SPDYE21: variants seen among roughly 807,000 people sequenced by gnomAD.
The protein encoded by SPDYE21 is speedy protein E21.
Under a neutral mutation model 36.2 loss-of-function variants are expected in SPDYE21, and 14 were observed. That is an observed-to-expected ratio of 0.39 (90% CI 0.26 to 0.61). SPDYE21 has a LOEUF of 0.61. Ranked by LOEUF, SPDYE21 falls within the 20% of genes least tolerant of loss-of-function variation. SPDYE21 has a pLI of 0.55. For synonymous variants in SPDYE21, 58 were observed against 155.1 expected (o/e 0.37, Z 4.65); for missense variants, 233 against 424.6 (o/e 0.55, Z 3.97).
chr7:67,285,252 G>A (rs1802708548), intron 6 of SPDYE21, among the ~76,000 whole-genome samples: 1 of 152,158 alleles, frequency 6.6e-6, no homozygotes, highest in South Asian at 2.1e-4. Context: ...GACTTGCCCT[G>A]TCCCCCAAGC....
At chr7:67,281,099 CAAAAAA>C (rs3972832) in intron 3 of SPDYE21, among the ~76,000 whole-genome samples, 13 of 43,726 alleles carry the variant, frequency 3.0e-4, no homozygotes, top group Admixed American at 3.5e-4. Context: ...ACAACAACAA[CAAAAAA>C]AAAAAAAAAA....
rs979401615 is a variant in SPDYE21 at position 67,279,898 on chromosome 7, G to C, written c.241G>C (p.Glu81Gln). The C allele has an allele frequency of 2.6e-5, 41 of 1,588,928 alleles. No individual in the cohort carries two copies. The African/African-American group carries it at 5.3e-4, about 21-fold the overall frequency. Reference sequence around the variant, plus strand: ...GGAGTGGTCAGATGAATCTGAGGAGGAGCCGGAGAAGGAGCTCGCCCCTGA... The same window carrying C: ...GGAGTGGTCAGATGAATCTGAGGAGCAGCCGGAGAAGGAGCTCGCCCCTGA... ...KKEWSDESEEEPEKELAPEPE... is the reference protein window; with the variant it reads ...KKEWSDESEEQPEKELAPEPE... The change falls in exon 3 of 9, where the codon GAG (glutamate) becomes CAG (glutamine). Residue 81 changes from glutamate to glutamine, a missense_variant. Glu to Gln is a conservative substitution (Grantham distance 29). Coordinates refer to ENST00000424157, the MANE Select transcript of SPDYE21 (RefSeq NM_001382715.2).
chr7:67,280,006 G>A lies in SPDYE21; in HGVS notation c.349G>A (p.Glu117Lys), dbSNP rs530677532. Residue 117 changes from glutamate (E) to lysine (K), a missense_variant, in exon 3 of 9, where the codon GAG becomes AAG. Glu to Lys is a moderately conservative substitution (Grantham distance 56, BLOSUM62 1). This residue lies in a region of SPDYE21 where 68 missense variants were observed against 87.6 expected (regional missense o/e 0.78). Coordinates refer to ENST00000424157, the MANE Select transcript of SPDYE21 (RefSeq NM_001382715.2). ...KQQRVSPILP[E>K]HHKDFNSQLA... ...ACAGCGAGTGTCACCCATCCTCCCT[G>A]AGCACCACAAGGACTTCAACAGTCA... 8.8e-6 allele frequency: 14 copies of A among 1,584,826 alleles called. 1 individual carries two copies. In the South Asian group the frequency reaches 1.3e-4, roughly 15 times the overall value.
intron 6 of SPDYE21, among the ~76,000 whole-genome samples, chr7:67,284,912 C>T (rs867164562): frequency 0.11 from 14,424 of 132,808 alleles, 1,040 homozygotes; most frequent in Middle Eastern, 0.15. Context: ...CACACTGGCT[C>T]ACCATCTTGG....
At chr7:67,281,143 G>A (rs1266821237) in intron 3 of SPDYE21, among the ~76,000 whole-genome samples, 3 of 140,576 alleles carry the variant, frequency 2.1e-5, no homozygotes, top group Non-Finnish European at 4.7e-5. Context: ...GAGAGCCAGG[G>A]ACCAGGGAAG....
intron 2 of SPDYE21, 147 bp from the exon 3 acceptor site, chr7:67,279,671 G>A (rs1300438325): frequency 1.2e-5 from 19 of 1,575,044 alleles, no homozygotes; most frequent in Non-Finnish European, 1.5e-5. Context: ...ACATGGGGTT[G>A]AGCAGAGGAG....
chr7:67,286,326 C>A lies in SPDYE21; in HGVS notation c.1038C>A (p.Asn346Lys). The change falls in exon 7 of 9, where the codon AAC becomes AAA. Residue 346 changes from asparagine (N) to lysine (K), a missense_variant. Physicochemically the swap from Asn to Lys is moderately conservative, Grantham distance 94 (BLOSUM62 0). This residue lies in a region of SPDYE21 where 139 missense variants were observed against 175.8 expected (regional missense o/e 0.79). Transcript: ENST00000424157. ...GGTTCCAGTTACGCCGTTGCATGAA[C>A]CCGAGGGCCAGGAAGAACCGCTCTC... Reference protein sequence around the residue: ...KRRFQLRRCMNPRARKNRSQI... With the variant: ...KRRFQLRRCMKPRARKNRSQI... 3 of 1,613,736 alleles carry A rather than the reference C, an allele frequency of 1.9e-6. No individual in the cohort carries two copies. The highest frequency in any genetic ancestry group is 2.5e-6 in the Non-Finnish European group (3 of 1,179,858).
intron 8 of SPDYE21, among the ~76,000 whole-genome samples, 140 bp downstream of exon 8, chr7:67,286,804 G>C (rs1017587201): frequency 1.3e-5 from 2 of 152,172 alleles, no homozygotes; most frequent in African/African-American, 2.4e-5. Flanking sequence ...AATTAGCCAG[G>C]CGATGTGGGA....
intron 3 of SPDYE21, among the ~76,000 whole-genome samples, chr7:67,280,416 C>G (rs758553835): frequency 6.6e-6 from 1 of 151,980 alleles, no homozygotes; most frequent in Non-Finnish European, 1.5e-5. Context: ...AAAAGAAAAA[C>G]GAAGGCTGGG....
chr7:67,285,477 G>A (rs1012005356), intron 6 of SPDYE21, among the ~76,000 whole-genome samples: 1 of 151,344 alleles, frequency 6.6e-6, no homozygotes, highest in African/African-American at 2.4e-5. Context: ...TGCAGCCTCT[G>A]CCTCCTGGGT....
rs1584750404 is a variant in SPDYE21 at position 67,287,559 on chromosome 7, T to A, written c.*87T>A. Among the ~76,000 whole-genome samples, 1 of 151,830 alleles carries A rather than the reference T, an allele frequency of 6.6e-6. No homozygotes were observed. Among genetic ancestry groups the A allele is most frequent in the Admixed American group, 6.6e-5 (1 of 15,238 alleles). ...GAGATGTGGATTTTCAGCAGGAACT[T>A]TATTCCAATGCTAATGGCAGACACC... On this transcript the variant is annotated 3_prime_UTR_variant, in exon 9 of 9. Coordinates refer to ENST00000424157, the MANE Select transcript of SPDYE21 (RefSeq NM_001382715.2).
chr7:67,277,426 T>A (rs3980797), intron 1 of SPDYE21, among the ~76,000 whole-genome samples: 110 of 152,092 alleles, frequency 7.2e-4, no homozygotes, highest in South Asian at 2.7e-3. Context: ...ATCAAAAAAA[T>A]TTTTTTTGAC....
rs1802792408 is a variant in SPDYE21 at position 67,288,995 on chromosome 7, A to G, written c.*1523A>G. Among the ~76,000 whole-genome samples the G allele has an allele frequency of 7.5e-6, 1 of 133,342 alleles. No individual in the cohort carries two copies. The highest frequency in any genetic ancestry group is 2.9e-5 in the African/African-American group (1 of 34,512). 87.5% of individuals were successfully genotyped at this position (133,342 alleles called of 152,430 possible). ...AAAAATGAACTTTTCTCACCTTCAC[A>G]GCAATTGTGATCATATTGGTCTGGA... is the stretch of plus-strand genomic sequence containing the variant. On this transcript the variant is annotated 3_prime_UTR_variant, in exon 9 of 9. Transcript: ENST00000424157.
chr7:67,286,510 G>A (rs1462168887), intron 7 of SPDYE21, among the ~76,000 whole-genome samples, 50 bp from the exon 8 acceptor site: 5 of 151,942 alleles, frequency 3.3e-5, no homozygotes, highest in Admixed American at 2.0e-4. Context: ...AGGGGAGAGA[G>A]GGGTATCCTG....
At chr7:67,285,322 C>T (rs1413533959) in intron 6 of SPDYE21, among the ~76,000 whole-genome samples, 4 of 152,056 alleles carry the variant, frequency 2.6e-5, no homozygotes, top group African/African-American at 7.2e-5. Context: ...CTCAAGCGAT[C>T]CTCCCACCTC....
chr7:67,283,430 G>A (rs950984917), intron 5 of SPDYE21, among the ~76,000 whole-genome samples: 15 of 152,008 alleles, frequency 9.9e-5, no homozygotes, highest in Admixed American at 8.5e-4. Flanking sequence ...AGCCACTCCC[G>A]GCTATTCTTG....
intron 4 of SPDYE21, among the ~76,000 whole-genome samples, chr7:67,281,863 T>C (rs1363243667): frequency 1.3e-5 from 2 of 152,104 alleles, no homozygotes; most frequent in African/African-American, 2.4e-5. Flanking sequence ...TCCCAGCACG[T>C]TGGGAGGCTG....
At position 67,287,603 on chromosome 7, in the gene SPDYE21, C is replaced by T. The variant is rs1368931295; in HGVS notation, c.*131C>T. 2.0e-5 allele frequency among the ~76,000 whole-genome samples: 3 copies of T among 147,822 alleles called. No individual in the cohort carries two copies. The highest frequency in any genetic ancestry group is 7.5e-5 in the African/African-American group (3 of 39,904). Reference sequence around the variant, plus strand: ...AGACACCAGGAAGGAGAAGAGGAACCATTTGTGCAGATCATCTAGAAGAAC... The same window carrying T: ...AGACACCAGGAAGGAGAAGAGGAACTATTTGTGCAGATCATCTAGAAGAAC... On this transcript the variant is annotated 3_prime_UTR_variant, in exon 9 of 9. Coordinates refer to ENST00000424157, the MANE Select transcript of SPDYE21 (RefSeq NM_001382715.2).
intron 3 of SPDYE21, among the ~76,000 whole-genome samples, chr7:67,280,736 AGG>A: frequency 7.4e-6 from 1 of 135,650 alleles, no homozygotes; most frequent in African/African-American, 2.7e-5. Context: ...AAAAGAAGGA[AGG>A]AAGGGCCCAG....
Sources: gnomAD v4.1 joint callset for allele counts (sites outside exome capture counted in the v4.1 genomes callset) on GRCh38, gnomAD v4.1.1 for gene constraint, gnomAD v4.1.1 regional missense constraint, MANE v1.5 for transcripts, NCBI Gene and HGNC (gene_info 2026-07-23, HGNC 2026-07-21) for gene names.